FAM185A: variants seen among roughly 807,000 people sequenced by gnomAD.
FAM185A encodes the protein family with sequence similarity 185 member A.
FAM185A carries 21 observed loss-of-function variants against 45.7 expected under a neutral mutation model. The observed-to-expected ratio is 0.46, with a 90% confidence interval of 0.33 to 0.66. The LOEUF is 0.66. FAM185A is among the 30% of genes least tolerant of loss of function. FAM185A has a pLI of 0.03. For missense variants in FAM185A, 305 were observed against 485.4 expected (o/e 0.63, Z 3.49); for synonymous variants, 117 against 194.0 (o/e 0.60, Z 3.30).
At chr7:102,755,892 A>C in intron 2 of FAM185A, 1 of 703,252 alleles carries the variant, frequency 1.4e-6, no homozygotes. Flanking sequence ...TCACATTGCC[A>C]AGCTCGAAAA....
chr7:102,834,080 G>GAAA, the FAM185A span, among the ~76,000 whole-genome samples: 1 of 91,600 alleles, frequency 1.1e-5, no homozygotes, highest in East Asian at 3.7e-4. Flanking sequence ...AAGGAAGGAA[G>GAAA]GAAAGAAAAG....
chr7:102,773,916 G>C (rs1193086184), intron 5 of FAM185A, among the ~76,000 whole-genome samples: 3 of 152,028 alleles, frequency 2.0e-5, no homozygotes, highest in African/African-American at 7.2e-5. Flanking sequence ...TGTATCTTTG[G>C]TAAGTCTGTA....
In FAM185A at chr7:102,749,433, C is replaced by A. The variant is rs922435894; in HGVS notation, c.226C>A (p.Arg76=). The change falls in exon 1 of 8, where the codon CGG becomes AGG. Residue 76 remains arginine, a synonymous_variant. Transcript: ENST00000413034. ...GACACTGCAGGTGAGCCCGTTTGGT[C>A]GGCTGCGGGCGCGGCTCCCGTGCCA... is the stretch of plus-strand genomic sequence containing the variant. The part of the protein sequence containing the change: ...EWTLQVSPFG[R]LRARLPCHLA... 6.5e-6 allele frequency: 10 copies of A among 1,547,890 alleles called. No individual in the cohort carries two copies. The African/African-American group carries it at 1.1e-4, about 17-fold the overall frequency.
chr7:102,812,070 G>A (rs1405967651), downstream of FAM185A, among the ~76,000 whole-genome samples: 1 of 152,176 alleles, frequency 6.6e-6, no homozygotes, highest in Non-Finnish European at 1.5e-5. Context: ...AACTCCACGT[G>A]AGAGATAAGT....
chr7:102,848,399 A>G, the FAM185A span, among the ~76,000 whole-genome samples: 1 of 100,416 alleles, frequency 1.0e-5, no homozygotes, highest in Non-Finnish European at 1.8e-5. Flanking sequence ...TACTAAAAAT[A>G]CAAAAAATTA....
the FAM185A span, among the ~76,000 whole-genome samples, chr7:102,831,431 A>ACACACACACCCCC: frequency 2.2e-4 from 33 of 147,236 alleles, no homozygotes; most frequent in African/African-American, 7.7e-4. Context: ...ACACACACAC[A>ACACACACACCCCC]CCCCACTACA....
the FAM185A span, among the ~76,000 whole-genome samples, chr7:102,842,658 A>G: frequency 6.6e-6 from 1 of 152,362 alleles, no homozygotes; most frequent in East Asian, 1.9e-4. Flanking sequence ...AGGAATGTGT[A>G]GAACAGGCTG....
chr7:102,789,923 G>T (rs1157852569), intron 7 of FAM185A, among the ~76,000 whole-genome samples: 4 of 152,036 alleles, frequency 2.6e-5, no homozygotes, highest in African/African-American at 9.7e-5. Context: ...GGCTTTTACT[G>T]GGTAAAGAAT....
chr7:102,822,074 T>C, the FAM185A span: 1 of 1,614,208 alleles, frequency 6.2e-7, no homozygotes, highest in Non-Finnish European at 8.5e-7. Flanking sequence ...ATCTTAAGGA[T>C]CCGGAGTTGT....
chr7:102,834,878 A>ATG, the FAM185A span, among the ~76,000 whole-genome samples: 11,682 of 147,028 alleles, frequency 0.079, 442 homozygotes, highest in African/African-American at 0.092. Context: ...CCATTCCACA[A>ATG]TGTGTGTGTG....
chr7:102,750,305 C>T (rs962484135), intron 1 of FAM185A, among the ~76,000 whole-genome samples: 5 of 152,124 alleles, frequency 3.3e-5, no homozygotes, highest in African/African-American at 1.2e-4. Flanking sequence ...AGGAAGGGCT[C>T]CCCAGACTGT....
the FAM185A span, among the ~76,000 whole-genome samples, chr7:102,839,399 C>T: frequency 1.3e-5 from 2 of 152,166 alleles, no homozygotes; most frequent in African/African-American, 4.8e-5. Context: ...GTCCCCTGGG[C>T]CCACTGTTCT....
the FAM185A span, among the ~76,000 whole-genome samples, chr7:102,843,012 C>T: frequency 6.6e-6 from 1 of 152,232 alleles, no homozygotes; most frequent in East Asian, 1.9e-4. Context: ...TGCCGAATCC[C>T]TCCTCCTCTA....
chr7:102,771,900 A>T (rs1408401013), intron 4 of FAM185A, among the ~76,000 whole-genome samples: 1 of 152,082 alleles, frequency 6.6e-6, no homozygotes, highest in Non-Finnish European at 1.5e-5. Flanking sequence ...TCATACCTCC[A>T]TGTATTCATT....
At chr7:102,782,603 G>C (rs2129439989) in intron 6 of FAM185A, among the ~76,000 whole-genome samples, 1 of 152,318 alleles carries the variant, frequency 6.6e-6, no homozygotes, top group East Asian at 1.9e-4. Context: ...CAACTGCTGA[G>C]AGATTTTGTC....
At chr7:102,767,001 G>C (rs1314265006) in intron 4 of FAM185A, among the ~76,000 whole-genome samples, 1 of 151,916 alleles carries the variant, frequency 6.6e-6, no homozygotes, top group East Asian at 1.9e-4. Flanking sequence ...TCACCATGTT[G>C]GCCAGGTTGG....
chr7:102,784,448 A>C (rs78523165), intron 6 of FAM185A, among the ~76,000 whole-genome samples: 17,530 of 152,236 alleles, frequency 0.12, 1,164 homozygotes, highest in East Asian at 0.24. Context: ...AATATTGGCA[A>C]ACTGAATCCA....
At chr7:102,776,571 C>T (rs1378295575) in intron 5 of FAM185A, among the ~76,000 whole-genome samples, 1 of 151,918 alleles carries the variant, frequency 6.6e-6, no homozygotes, top group Non-Finnish European at 1.5e-5. Flanking sequence ...TCAAATTATT[C>T]CACCCTGCCC....
chr7:102,798,954 GC>G (rs1401387419), intron 7 of FAM185A, among the ~76,000 whole-genome samples: 4 of 152,256 alleles, frequency 2.6e-5, no homozygotes, highest in Admixed American at 2.6e-4. Flanking sequence ...CACCATGTTG[GC>G]CAGGCTGGTC....
Sources: gnomAD v4.1 joint callset for allele counts (sites outside exome capture counted in the v4.1 genomes callset) on GRCh38, gnomAD v4.1.1 for gene constraint, MANE v1.5 for transcripts, NCBI Gene and HGNC (gene_info 2026-07-23, HGNC 2026-07-21) for gene names.